The following STK4 variants were observed in gnomAD, a reference collection of about 807,000 sequenced individuals.
The protein encoded by STK4 is serine/threonine kinase 4.
In STK4, 30 loss-of-function variants were observed where a neutral mutation model predicts 64.9. That is an observed-to-expected ratio of 0.46 (90% confidence interval 0.35 to 0.63). STK4 has a LOEUF of 0.63. Among genes scored for constraint, STK4 ranks in the 20% least tolerant of loss-of-function variants. The probability of loss-of-function intolerance (pLI) is 0.01; values close to 1 mark genes in which losing one functional copy is unlikely to be tolerated. For synonymous variants in STK4, 177 were observed against 199.0 expected (o/e 0.89, Z 0.93); for missense variants, 466 against 598.5 (o/e 0.78, Z 2.31).
intron 7 of STK4, among the ~76,000 whole-genome samples, chr20:45,000,134 A>G (rs1436893840): frequency 6.6e-6 from 1 of 152,160 alleles, no homozygotes. Context: ...GATACTCCCT[A>G]TTGAGAATCG....
At chr20:44,972,966 G>A (rs2067276330) in intron 2 of STK4, 3 of 151,628 alleles carry the variant, frequency 2.0e-5, no homozygotes, top group Admixed American at 2.0e-4. Context: ...GAATCACCAA[G>A]GGTAGCGGCT....
At chr20:45,046,877 T>G (rs1248751897) in intron 10 of STK4, among the ~76,000 whole-genome samples, 1 of 152,126 alleles carries the variant, frequency 6.6e-6, no homozygotes, top group Non-Finnish European at 1.5e-5. Context: ...AGACAGGGTT[T>G]CACCATGTTG....
At chr20:45,026,348 T>TGTGTGC (rs995303278) in intron 10 of STK4, among the ~76,000 whole-genome samples, 2 of 151,004 alleles carry the variant, frequency 1.3e-5, no homozygotes, top group African/African-American at 4.9e-5. Flanking sequence ...TGTGTGTGTG[T>TGTGTGC]GCATAGTTTT....
At chr20:45,031,542 A>T (rs753173220) in intron 10 of STK4, among the ~76,000 whole-genome samples, 7 of 152,202 alleles carry the variant, frequency 4.6e-5, no homozygotes, top group Non-Finnish European at 8.8e-5. Context: ...AAAAGTTTAA[A>T]ACAGAGGAAT....
rs530666875 is a variant in STK4 at position 44,994,000 on chromosome 20, C to CTTT, written c.526-1088_526-1086dup. Among the ~76,000 whole-genome samples the CTTT allele has an allele frequency of 1.7e-3, 259 of 151,098 alleles. 3 individuals are homozygous for CTTT. The highest frequency in any genetic ancestry group is 6.1e-3 in the African/African-American group (250 of 41,192). ...TCTCAAAAAAAAAAAAAAAATCCTT[C>CTTT]TTTTGCTAAAGCATAGGAACTGTAG... On this transcript the variant is annotated intron_variant, in intron 5 of 10. Transcript: ENST00000372806.
intron 1 of STK4, chr20:44,967,077 G>T: frequency 1.1e-6 from 1 of 937,490 alleles, no homozygotes; most frequent in Non-Finnish European, 1.3e-6. Flanking sequence ...GAGGGGAAAA[G>T]CTTTGCGCCT....
intron 1 of STK4, 42 bp downstream of exon 1, chr20:44,966,645 G>T: frequency 3.2e-6 from 4 of 1,262,830 alleles, no homozygotes; most frequent in Non-Finnish European, 4.0e-6. Flanking sequence ...GGGGTCAGGG[G>T]AAGAAAAGGC....
chr20:44,986,761 A>G (rs575087370), intron 4 of STK4, among the ~76,000 whole-genome samples: 120 of 152,310 alleles, frequency 7.9e-4, no homozygotes, highest in Non-Finnish European at 1.3e-3. Flanking sequence ...AAGGTTTTTG[A>G]CCAGAGCAAC....
chr20:45,053,558 A>G (rs187903425), intron 10 of STK4, among the ~76,000 whole-genome samples: 3 of 152,324 alleles, frequency 2.0e-5, no homozygotes, highest in East Asian at 1.9e-4. Flanking sequence ...AAGAACTGCA[A>G]TAAGTATCCT....
chr20:44,983,430 C>T (rs1229203980), intron 4 of STK4, among the ~76,000 whole-genome samples: 19 of 151,940 alleles, frequency 1.3e-4, no homozygotes, highest in Non-Finnish European at 1.5e-5. Flanking sequence ...AGCGAGACCT[C>T]GTCTCTACAA....
intron 10 of STK4, among the ~76,000 whole-genome samples, chr20:45,069,264 T>C (rs1253643000): frequency 6.6e-6 from 1 of 152,184 alleles, no homozygotes; most frequent in Non-Finnish European, 1.5e-5. Flanking sequence ...TCCACTGTGA[T>C]CTCTCCCAGA....
At chr20:45,046,445 G>C (rs936194594) in intron 10 of STK4, among the ~76,000 whole-genome samples, 14 of 137,512 alleles carry the variant, frequency 1.0e-4, no homozygotes, top group Non-Finnish European at 1.6e-4. Flanking sequence ...AAAACTAAAA[G>C]GAAAAAAAAA....
At chr20:45,026,128 G>GGTTTTTTTTTTTTTTTTTTT (rs1490924969) in intron 10 of STK4, among the ~76,000 whole-genome samples, 3 of 128,982 alleles carry the variant, frequency 2.3e-5, no homozygotes, top group African/African-American at 9.0e-5. Context: ...TTATCCAGTG[G>GGTTTTTTTTTTTTTTTTTTT]TTTTTTTTTT....
chr20:45,061,857 T>TTTC (rs1207748868), intron 10 of STK4, among the ~76,000 whole-genome samples: 56 of 149,024 alleles, frequency 3.8e-4, no homozygotes, highest in African/African-American at 1.1e-3. Flanking sequence ...TTTCTTTTCT[T>TTTC]TTCTTCTTCT....
chr20:45,041,422 C>T (rs2068611848), intron 10 of STK4, among the ~76,000 whole-genome samples: 1 of 152,046 alleles, frequency 6.6e-6, no homozygotes, highest in Non-Finnish European at 1.5e-5. Context: ...ATTATATATC[C>T]TAGAAATTAC....
chr20:45,007,735 C>T (rs1233686962), intron 9 of STK4: 5 of 388,588 alleles, frequency 1.3e-5, no homozygotes, highest in South Asian at 7.9e-5. Flanking sequence ...TTTGTTTGTT[C>T]GAAACAATTG....
At chr20:45,074,510 T>C (rs372157107) in intron 10 of STK4, among the ~76,000 whole-genome samples, 48 of 151,920 alleles carry the variant, frequency 3.2e-4, no homozygotes, top group Non-Finnish European at 1.8e-4. Context: ...TGCCAAGACA[T>C]TGGGGGTGTG....
At chr20:44,971,124 CAT>C (rs1491066582) in intron 1 of STK4, among the ~76,000 whole-genome samples, 31 of 143,880 alleles carry the variant, frequency 2.2e-4, no homozygotes, top group Non-Finnish European at 3.6e-4. Context: ...CACACACACA[CAT>C]ATTCCTTGGC....
chr20:44,970,607 T>C (rs2067226890), intron 1 of STK4: 1 of 152,214 alleles, frequency 6.6e-6, no homozygotes, highest in Non-Finnish European at 1.5e-5. Flanking sequence ...ATTTTGAAGG[T>C]AGGAGTTTTT....
Sources: gnomAD v4.1 joint callset for allele counts (sites outside exome capture counted in the v4.1 genomes callset) on GRCh38, gnomAD v4.1.1 for gene constraint, MANE v1.5 for transcripts, NCBI Gene and HGNC (gene_info 2026-07-23, HGNC 2026-07-21) for gene names.